The following EML1 variants were observed in gnomAD, a reference collection of about 807,000 sequenced individuals.
The protein encoded by EML1 is EMAP like 1.
Under a neutral mutation model 110.4 loss-of-function variants are expected in EML1, and 27 were observed. The ratio of observed to expected loss-of-function variants is 0.24; its 90% CI spans 0.18 to 0.34. The LOEUF is 0.34. Among genes scored for constraint, EML1 ranks in the 10% least tolerant of loss-of-function variants. EML1 has a pLI of 1.00. For synonymous variants in EML1, 344 were observed against 385.8 expected, an observed-to-expected ratio of 0.89 and a Z score of 1.27; for missense variants, 741 against 1,030.9, an observed-to-expected ratio of 0.72 and a Z score of 3.85.
intron 1 of EML1, among the ~76,000 whole-genome samples, chr14:99,817,182 T>G (rs776903628): frequency 7.9e-5 from 12 of 152,242 alleles, no homozygotes; most frequent in Non-Finnish European, 1.6e-4. Context: ...ACATTCATTT[T>G]TTTGAGAAAA....
At chr14:99,830,495 C>T (rs1223939204) in intron 1 of EML1, among the ~76,000 whole-genome samples, 1 of 151,946 alleles carries the variant, frequency 6.6e-6, no homozygotes, top group African/African-American at 2.4e-5. Flanking sequence ...TTTCCTCTTC[C>T]CTCCTGCTTT....
chr14:99,788,820 C>A (rs1170313822), upstream of EML1, among the ~76,000 whole-genome samples: 1 of 152,186 alleles, frequency 6.6e-6, no homozygotes, highest in Non-Finnish European at 1.5e-5. Flanking sequence ...ACTTACTATT[C>A]CTTCCTCTCC....
intron 4 of EML1, among the ~76,000 whole-genome samples, chr14:99,886,858 T>C (rs1396152576): frequency 6.6e-6 from 1 of 152,250 alleles, no homozygotes; most frequent in East Asian, 1.9e-4. Flanking sequence ...CTCCTCCTTA[T>C]AAATGCCAGT....
At chr14:99,901,569 A>G (rs564409492) in intron 9 of EML1, among the ~76,000 whole-genome samples, 1 of 152,222 alleles carries the variant, frequency 6.6e-6, no homozygotes, top group South Asian at 2.1e-4. Context: ...TTTTATGACT[A>G]TTTCTTGATG....
intron 13 of EML1, among the ~76,000 whole-genome samples, chr14:99,913,701 T>A (rs2059984333): frequency 6.6e-6 from 1 of 152,174 alleles, no homozygotes; most frequent in Non-Finnish European, 1.5e-5. Context: ...TGGTATCTGT[T>A]TTTTTGAGAT....
chr14:99,749,334 T>C (rs2057149723), intron 1 of EML1, among the ~76,000 whole-genome samples: 1 of 150,996 alleles, frequency 6.6e-6, no homozygotes, highest in African/African-American at 2.5e-5. Context: ...TACTGTCTTC[T>C]CGCCCCCCCA....
intron 4 of EML1, among the ~76,000 whole-genome samples, chr14:99,887,242 A>T (rs539248406): frequency 6.2e-4 from 95 of 152,242 alleles, no homozygotes; most frequent in Admixed American, 3.9e-4. Context: ...ATTCAGCTCA[A>T]GGGAGCATAC....
chr14:99,866,570 C>CAAAAAA (rs57796662), intron 3 of EML1, among the ~76,000 whole-genome samples: 1 of 80,114 alleles, frequency 1.2e-5, no homozygotes, highest in Non-Finnish European at 2.3e-5. Flanking sequence ...AACTCCATCT[C>CAAAAAA]AAAAAAAAAA....
upstream of EML1, among the ~76,000 whole-genome samples, chr14:99,769,880 T>C (rs148241681): frequency 4.2e-3 from 644 of 152,320 alleles, 2 homozygotes; most frequent in African/African-American, 0.015. Context: ...GGAATAGAAA[T>C]GGGTTCTGCT....
At position 99,826,380 on chromosome 14, in the gene EML1, T is replaced by C. The variant is rs189784015; in HGVS notation, c.68-24473T>C. On this transcript the variant is annotated intron_variant, in intron 1 of 21. Coordinates refer to ENST00000262233, the MANE Select transcript of EML1 (RefSeq NM_004434.3). ...CGCCTCCCTCAGCCTCCCACAGTGC[T>C]GGGATTACAGGCGTGAGCCACTGTG... 6.6e-5 allele frequency among the ~76,000 whole-genome samples: 10 copies of C among 152,294 alleles called. No individual in the cohort carries two copies. In the East Asian group the frequency reaches 1.9e-3, roughly 29 times the overall value.
At chr14:99,851,681 T>C (rs998277419) in intron 2 of EML1, among the ~76,000 whole-genome samples, 1 of 152,208 alleles carries the variant, frequency 6.6e-6, no homozygotes, top group African/African-American at 2.4e-5. Flanking sequence ...TGGGCCACTT[T>C]TGGAGGTTGT....
intron 1 of EML1, among the ~76,000 whole-genome samples, chr14:99,787,426 C>G (rs1339190320): frequency 6.6e-6 from 1 of 151,888 alleles, no homozygotes; most frequent in African/African-American, 2.4e-5. Context: ...TTATATCCAC[C>G]TGCCACCATG....
At chr14:99,898,496 A>T (rs2059707904) in intron 8 of EML1, among the ~76,000 whole-genome samples, 194 bp downstream of exon 8, 1 of 152,244 alleles carries the variant, frequency 6.6e-6, no homozygotes, top group Non-Finnish European at 1.5e-5. Context: ...TCACGCCTGT[A>T]ATCCCAGCAC....
chr14:99,799,287 T>G (rs1232143478), intron 1 of EML1, among the ~76,000 whole-genome samples: 1 of 152,262 alleles, frequency 6.6e-6, no homozygotes, highest in Non-Finnish European at 1.5e-5. Flanking sequence ...TAACAATAAT[T>G]TATTTAATAA....
chr14:99,884,981 G>T (rs1325676504), intron 4 of EML1, among the ~76,000 whole-genome samples: 2 of 152,192 alleles, frequency 1.3e-5, no homozygotes, highest in Non-Finnish European at 2.9e-5. Flanking sequence ...AGATGGTGTC[G>T]TAACTGCCTG....
chr14:99,819,947 T>G (rs2058234949), intron 1 of EML1, among the ~76,000 whole-genome samples: 1 of 152,238 alleles, frequency 6.6e-6, no homozygotes, highest in South Asian at 2.1e-4. Flanking sequence ...AAATGACTCT[T>G]AGCCCTGAGC....
At chr14:99,789,038 A>G (rs1048209585), upstream of EML1, among the ~76,000 whole-genome samples, 2 of 151,932 alleles carry the variant, frequency 1.3e-5, no homozygotes, top group African/African-American at 4.8e-5. Flanking sequence ...GATGGACCAC[A>G]TTTTGTTTAA....
At chr14:99,842,591 C>T (rs1419044541) in intron 1 of EML1, among the ~76,000 whole-genome samples, 1 of 152,060 alleles carries the variant, frequency 6.6e-6, no homozygotes, top group Non-Finnish European at 1.5e-5. Flanking sequence ...CAGTTTTTAA[C>T]CATTTGTATT....
At chr14:99,911,862 GTCTTC>G (rs1402664800) in intron 13 of EML1, among the ~76,000 whole-genome samples, 2 of 151,488 alleles carry the variant, frequency 1.3e-5, no homozygotes, top group African/African-American at 2.4e-5. Flanking sequence ...ATAAAAATCT[GTCTTC>G]TCTTTTAACT....
Sources: gnomAD v4.1 joint callset for allele counts (sites outside exome capture counted in the v4.1 genomes callset) on GRCh38, gnomAD v4.1.1 for gene constraint, MANE v1.5 for transcripts, NCBI Gene and HGNC (gene_info 2026-07-23, HGNC 2026-07-21) for gene names.